NPAS3: variants seen among roughly 807,000 people sequenced by gnomAD.
NPAS3 encodes the protein neuronal PAS domain protein 3.
NPAS3 carries 14 observed loss-of-function variants against 73.1 expected under a neutral mutation model. The observed-to-expected ratio is 0.19, with a 90% CI of 0.13 to 0.30. The LOEUF (loss-of-function observed/expected upper bound fraction) is 0.30. Ranked by LOEUF, NPAS3 falls within the 10% of genes least tolerant of loss-of-function variation. The pLI is 1.00. For missense variants in NPAS3, 1,096 were observed against 1,250.0 expected (o/e 0.88, Z 1.86); for synonymous variants, 620 against 541.5 (o/e 1.14, Z -2.01).
intron 4 of NPAS3, among the ~76,000 whole-genome samples, chr14:33,548,677 A>C (rs2054963871): frequency 6.6e-6 from 1 of 152,204 alleles, no homozygotes; most frequent in Non-Finnish European, 1.5e-5. Context: ...GCAAAAGTAG[A>C]TTGTTTTGTG....
chr14:33,456,310 A>G (rs888972350), intron 4 of NPAS3, among the ~76,000 whole-genome samples: 9 of 152,190 alleles, frequency 5.9e-5, no homozygotes, highest in Non-Finnish European at 1.2e-4. Context: ...TAAAAATAGT[A>G]AATGCCCAGG....
chr14:33,142,165 TTTTA>T (rs2044071851), intron 2 of NPAS3, among the ~76,000 whole-genome samples: 1 of 150,468 alleles, frequency 6.6e-6, no homozygotes, highest in East Asian at 1.9e-4. Flanking sequence ...TGCTCCTAAT[TTTTA>T]TTTTATTTTA....
chr14:33,678,754 G>GAGA (rs1555311590), intron 6 of NPAS3, among the ~76,000 whole-genome samples: 3 of 146,334 alleles, frequency 2.1e-5, no homozygotes, highest in Non-Finnish European at 4.5e-5. Context: ...GACTTTGGGA[G>GAGA]AAAAAAAAAA....
chr14:33,173,532 T>C (rs886552824), intron 2 of NPAS3, among the ~76,000 whole-genome samples: 1 of 152,188 alleles, frequency 6.6e-6, no homozygotes, highest in Non-Finnish European at 1.5e-5. Context: ...ACTTTCTGTT[T>C]ATGCAACATG....
chr14:33,273,930 C>A (rs2041215526), intron 3 of NPAS3, among the ~76,000 whole-genome samples: 1 of 152,174 alleles, frequency 6.6e-6, no homozygotes, highest in Non-Finnish European at 1.5e-5. Flanking sequence ...AAATTCTAGA[C>A]CCCAATTTCC....
intron 4 of NPAS3, among the ~76,000 whole-genome samples, chr14:33,463,390 T>A (rs2050363795): frequency 6.6e-6 from 1 of 152,182 alleles, no homozygotes; most frequent in African/African-American, 2.4e-5. Context: ...TTAAATTGAT[T>A]ATATAATAAA....
intron 2 of NPAS3, among the ~76,000 whole-genome samples, chr14:33,200,192 GT>G (rs1566669383): frequency 6.7e-6 from 1 of 149,980 alleles, no homozygotes; most frequent in Non-Finnish European, 1.5e-5. Flanking sequence ...AAAGTAACTG[GT>G]TTTTGCCATT....
chr14:33,079,247 C>T (rs140614465), intron 2 of NPAS3, among the ~76,000 whole-genome samples: 2,620 of 152,168 alleles, frequency 0.017, 41 homozygotes, highest in South Asian at 0.059. Flanking sequence ...AACTCTTTCT[C>T]TCTCTCTGTC....
intron 1 of NPAS3, among the ~76,000 whole-genome samples, chr14:33,012,205 G>C (rs1005428690): frequency 6.6e-6 from 1 of 152,158 alleles, no homozygotes; most frequent in African/African-American, 2.4e-5. Context: ...AGCACTGTGA[G>C]TTTTATCACA....
chr14:33,271,449 T>TGG (rs35488575), intron 3 of NPAS3, among the ~76,000 whole-genome samples: 2 of 152,120 alleles, frequency 1.3e-5, no homozygotes, highest in Non-Finnish European at 2.9e-5. Flanking sequence ...GGCTAGCTGT[T>TGG]GGGGAGAAGG....
chr14:33,623,841 C>T (rs2140105592), intron 5 of NPAS3, among the ~76,000 whole-genome samples: 1 of 152,266 alleles, frequency 6.6e-6, no homozygotes, highest in Middle Eastern at 3.4e-3. Flanking sequence ...TTGTTCTTTA[C>T]TTGACTATCT....
intron 5 of NPAS3, among the ~76,000 whole-genome samples, chr14:33,588,907 C>A (rs2056964400): frequency 6.6e-6 from 1 of 152,146 alleles, no homozygotes; most frequent in Non-Finnish European, 1.5e-5. Context: ...AGGTGTGAGC[C>A]ACTGCACCTG....
intron 1 of NPAS3, among the ~76,000 whole-genome samples, chr14:32,960,238 A>G (rs894183922): frequency 6.6e-6 from 1 of 152,216 alleles, no homozygotes; most frequent in African/African-American, 2.4e-5. Flanking sequence ...TATTCCTTAC[A>G]CTGATTACCA....
At chr14:33,334,042 A>G (rs959191456) in intron 3 of NPAS3, among the ~76,000 whole-genome samples, 1 of 152,186 alleles carries the variant, frequency 6.6e-6, no homozygotes, top group African/African-American at 2.4e-5. Flanking sequence ...GAATATGAAT[A>G]AAGTGTTGAA....
At chr14:33,028,809 A>C (rs1272070489) in intron 1 of NPAS3, among the ~76,000 whole-genome samples, 4 of 152,092 alleles carry the variant, frequency 2.6e-5, no homozygotes, top group African/African-American at 9.7e-5. Flanking sequence ...ATACATACAT[A>C]TATGTATATA....
At chr14:33,014,002 T>C (rs1304403292) in intron 1 of NPAS3, among the ~76,000 whole-genome samples, 1 of 152,192 alleles carries the variant, frequency 6.6e-6, no homozygotes, top group Admixed American at 6.5e-5. Flanking sequence ...CACTTTTCTA[T>C]ATATGTCCAA....
chr14:33,313,768 C>T (rs549391704), intron 3 of NPAS3, among the ~76,000 whole-genome samples: 3 of 152,064 alleles, frequency 2.0e-5, no homozygotes, highest in African/African-American at 4.8e-5. Context: ...GATTGGTTAC[C>T]GGAAGTATCA....
intron 5 of NPAS3, among the ~76,000 whole-genome samples, chr14:33,595,861 G>A (rs975027456): frequency 1.3e-5 from 2 of 152,050 alleles, no homozygotes; most frequent in East Asian, 1.9e-4. Context: ...TAGTAGAGAC[G>A]GGGTTTCACC....
chr14:33,262,055 C>T (rs1467314369), intron 3 of NPAS3, among the ~76,000 whole-genome samples: 1 of 152,118 alleles, frequency 6.6e-6, no homozygotes, highest in Non-Finnish European at 1.5e-5. Flanking sequence ...ATAACTCTGT[C>T]CTCCACTTTG....
Sources: gnomAD v4.1 joint callset for allele counts (sites outside exome capture counted in the v4.1 genomes callset) on GRCh38, gnomAD v4.1.1 for gene constraint, MANE v1.5 for transcripts, NCBI Gene and HGNC (gene_info 2026-07-23, HGNC 2026-07-21) for gene names.